The following FBN3 variants were observed in gnomAD, a reference collection of about 807,000 sequenced individuals.
FBN3 encodes fibrillin 3.
Under a neutral mutation model 330.1 loss-of-function variants are expected in FBN3, and 234 were observed. The observed-to-expected ratio is 0.71, with a 90% CI of 0.64 to 0.79. The LOEUF (loss-of-function observed/expected upper bound fraction) is 0.79, where lower values mean the gene tolerates loss of function less well. FBN3 is among the 30% of genes least tolerant of loss of function. The probability of loss-of-function intolerance (pLI) is 0.00; values close to 1 mark genes in which losing one functional copy is unlikely to be tolerated. For synonymous variants in FBN3, 1,458 were observed against 1,517.3 expected (o/e 0.96, Z 0.91); for missense variants, 3,606 against 3,886.9 (o/e 0.93, Z 1.92).
chr19:8,135,936 G>GGGGGGGGGGGGGGGGGGGGCCCCC, intron 13 of FBN3, 25 bp downstream of exon 13: 14 of 668,752 alleles, frequency 2.1e-5, no homozygotes, highest in Non-Finnish European at 2.6e-5. Flanking sequence ...GGAAGCCCCT[G>GGGGGGGGGGGGGGGGGGGGCCCCC]CCCACCCGCC....
At chr19:8,076,387 C>A (rs4804259) in intron 59 of FBN3, among the ~76,000 whole-genome samples, 93,662 of 151,770 alleles carry the variant, frequency 0.62, 30,392 homozygotes, top group African/African-American at 0.82. Context: ...AATCCCAGTG[C>A]TTTGGGAGGC....
At chr19:8,136,635 G>A in intron 10 of FBN3, 104 bp from the exon 11 acceptor site, 1 of 1,475,012 alleles carries the variant, frequency 6.8e-7, no homozygotes, top group African/African-American at 1.4e-5. Flanking sequence ...CTAAGGCTGG[G>A]ACCCTGCCCT....
rs530967934 is a variant in FBN3 at position 8,109,320 on chromosome 19, C to G, written c.4525G>C (p.Glu1509Gln). 1 of 1,614,178 alleles carries G rather than the reference C, an allele frequency of 6.2e-7. No homozygotes were observed. ...GCTCGGGTGACACCAACTCCGATCTCGGCACTGCAGGAAATGCCACTGTCC... is the reference window on the plus strand; with the variant it reads ...GCTCGGGTGACACCAACTCCGATCTGGGCACTGCAGGAAATGCCACTGTCC... ...RGDSGISCSA[E>Q]IGVGVTRASC... Residue 1509 changes from glutamate (E) to glutamine (Q), a missense_variant, in exon 36 of 64, where the codon GAG (glutamate) becomes CAG (glutamine). Transcript: ENST00000600128. This position sits in a 1 kb window ranked among gnomAD's most constrained non-coding sequence, Gnocchi z 5.2.
intron 57 of FBN3, 126 bp downstream of exon 57, chr19:8,083,121 G>T: frequency 8.6e-7 from 1 of 1,160,658 alleles, no homozygotes; most frequent in Non-Finnish European, 1.3e-6. Context: ...TGTATGGTTT[G>T]GGCACCACTT....
At chr19:8,135,935 T>TTGGGGGGGGGGGGGGGGGGGCGGC in intron 13 of FBN3, 26 bp downstream of exon 13, 1 of 1,344,156 alleles carries the variant, frequency 7.4e-7, no homozygotes, top group Non-Finnish European at 1.0e-6. Flanking sequence ...CGGAAGCCCC[T>TTGGGGGGGGGGGGGGGGGGGCGGC]GCCCACCCGC....
rs373995643 is a variant in FBN3 at position 8,126,641 on chromosome 19, C to G, written c.2417-36G>C. The stretch of plus-strand genomic sequence containing the variant: ...GAGGCGGGTCACCTGTCTCACCTGC[C>G]GGCCCTACACCTGCACCCTGACCCA... On this transcript the variant is annotated intron_variant, in intron 19 of 63. Coordinates refer to ENST00000600128, the MANE Select transcript of FBN3 (RefSeq NM_032447.5). 10 of 1,601,168 alleles carry G rather than the reference C, an allele frequency of 6.2e-6. 1 individual carries two copies. The South Asian group carries it at 1.0e-4, about 16-fold the overall frequency.
intron 46 of FBN3, 147 bp from the exon 47 acceptor site, chr19:8,094,712 G>T: frequency 2.4e-6 from 2 of 847,592 alleles, no homozygotes; most frequent in Non-Finnish European, 1.8e-6. Context: ...CAGGGCAAGG[G>T]CTGAGACTCA....
rs576437693 is a variant in FBN3 at position 8,111,202 on chromosome 19, C to T, written c.4085-19G>A. ...TCCCTGTCTGAGGGGCCCCAAGATTCGGAGGGCTGGAGGCCGGTGGACCAG... is the reference window on the plus strand; with the variant it reads ...TCCCTGTCTGAGGGGCCCCAAGATTTGGAGGGCTGGAGGCCGGTGGACCAG... On this transcript the variant is annotated intron_variant, in intron 32 of 63. Coordinates refer to ENST00000600128, the MANE Select transcript of FBN3 (RefSeq NM_032447.5). The T allele has an allele frequency of 1.7e-4, 269 of 1,575,142 alleles. 9 individuals carry two copies. The South Asian group carries it at 2.7e-3, about 16-fold the overall frequency.
intron 38 of FBN3, among the ~76,000 whole-genome samples, chr19:8,104,114 A>C (rs1210630268): frequency 6.9e-6 from 1 of 144,908 alleles, no homozygotes; most frequent in Non-Finnish European, 1.5e-5. Context: ...GCAGAATGAG[A>C]TCCTGGCTCT....
chr19:8,144,353 T>C (rs2083485084), intron 6 of FBN3, among the ~76,000 whole-genome samples: 1 of 151,454 alleles, frequency 6.6e-6, no homozygotes, highest in East Asian at 1.9e-4. Flanking sequence ...GCCGAGATCA[T>C]ATCACTGCAC....
Position 8,121,505 on chromosome 19 carries a change from T to A in FBN3, c.3083-119A>T. The A allele has an allele frequency of 2.9e-6, 3 of 1,039,428 alleles. No homozygotes were observed. Among genetic ancestry groups the A allele is most frequent in the Non-Finnish European group, 4.0e-6 (3 of 748,328 alleles). The allele number at this position is 1,039,428 out of a possible 1,614,324, so 64.4% of individuals were successfully genotyped here. On this transcript the variant is annotated intron_variant, in intron 24 of 63. Coordinates refer to ENST00000600128, the MANE Select transcript of FBN3 (RefSeq NM_032447.5). The surrounding 1 kb of genome is among the most constrained non-coding windows in gnomAD (Gnocchi z 4.5). ...GCTAGAGGAAGCCCATCTGCAGACA[T>A]AAGGAGGCACAGGCCAAGAGGGGAG... is the stretch of plus-strand genomic sequence containing the variant.
chr19:8,085,642 G>T, intron 55 of FBN3, 73 bp from the exon 56 acceptor site: 1 of 1,214,608 alleles, frequency 8.2e-7, no homozygotes, highest in Non-Finnish European at 1.1e-6. Context: ...AGCTTGCTTT[G>T]GGGCAAGCTG....
intron 63 of FBN3, among the ~76,000 whole-genome samples, chr19:8,066,742 G>T (rs2081400352): frequency 6.6e-6 from 1 of 152,150 alleles, no homozygotes; most frequent in Non-Finnish European, 1.5e-5. Flanking sequence ...AGCTGGGCGT[G>T]GTGGCGGGCG....
intron 55 of FBN3, 109 bp from the exon 56 acceptor site, chr19:8,085,678 G>T: frequency 2.5e-6 from 2 of 802,914 alleles, no homozygotes; most frequent in South Asian, 1.9e-5. Flanking sequence ...GGGGACAGGG[G>T]TGTCCAGGAG....
Position 8,090,110 on chromosome 19 carries a change from TG to T in FBN3, c.6172del (p.Gln2058ArgfsTer28). The T allele has an allele frequency of 6.2e-7, 1 of 1,613,448 alleles. No individual in the cohort carries two copies. On this transcript the variant is annotated frameshift_variant, in exon 49 of 64. Transcript: ENST00000600128. LOFTEE classifies it high-confidence loss of function. Reference sequence around the variant, plus strand: ...GGGTGGGCACTCACCGCTGCCCTCCTGGGGACACAGTTCGCAGGGGTCTCCC... The same window carrying T: ...GGGTGGGCACTCACCGCTGCCCTCCTGGGACACAGTTCGCAGGGGTCTCCC... ...GWGDPCELCP[Q>X]EGSAAFQELC...
At position 8,136,222 on chromosome 19, in the gene FBN3, A is replaced by G. The variant is rs200842627; in HGVS notation, c.1433T>C (p.Phe478Ser). 179 of 1,612,574 alleles carry G rather than the reference A, an allele frequency of 1.1e-4. No homozygotes were observed. Among genetic ancestry groups the G allele is most frequent in the Non-Finnish European group, 5.2e-5 (61 of 1,179,746 alleles). ...GTYHCRCYPG[F>S]QATPTRQACV... ...TGCCTGCCTGGTGGGCGTGGCCTGG[A>G]AGCCCGGGTAGCACCGGCAGTGGTA... Residue 478 changes from phenylalanine to serine, a missense_variant, in exon 12 of 64, where the codon TTC becomes TCC. Phe to Ser is a radical substitution (Grantham distance 155). Transcript: ENST00000600128.
intron 37 of FBN3, among the ~76,000 whole-genome samples, 178 bp downstream of exon 37, chr19:8,107,991 AT>A (rs2082486142): frequency 1.3e-5 from 2 of 151,878 alleles, no homozygotes; most frequent in Admixed American, 1.3e-4. Context: ...GAAAGAACAG[AT>A]AAAAAAAATT....
intron 29 of FBN3, among the ~76,000 whole-genome samples, chr19:8,115,860 C>A (rs2082694606): frequency 1.3e-5 from 2 of 151,778 alleles, no homozygotes; most frequent in Admixed American, 6.6e-5. Context: ...AGTGTACATT[C>A]CAAGGAACAC....
chr19:8,084,788 A>G (rs1484836422), intron 56 of FBN3, among the ~76,000 whole-genome samples: 1 of 151,276 alleles, frequency 6.6e-6, no homozygotes, highest in Non-Finnish European at 1.5e-5. Flanking sequence ...AGGTTTCACC[A>G]TGTTGACCAG....
Sources: allele counts gnomAD v4.1 joint callset (sites outside exome capture counted in the v4.1 genomes callset), GRCh38; gene constraint gnomAD v4.1.1; non-coding constraint Gnocchi (gnomAD v3.1); transcripts MANE v1.5; gene names NCBI Gene and HGNC (gene_info 2026-07-23, HGNC 2026-07-21).